USP40: variants seen among roughly 807,000 people sequenced by gnomAD.
USP40 encodes ubiquitin carboxyl-terminal hydrolase 40.
In USP40, 143 loss-of-function variants were observed where a neutral mutation model predicts 166.2. The observed-to-expected ratio is 0.86, with a 90% CI of 0.75 to 0.99. The LOEUF is 0.99. Ranked by LOEUF, USP40 falls within the 50% of genes least tolerant of loss-of-function variation. The pLI, the probability that USP40 is intolerant of heterozygous loss-of-function variation, is 0.00. For missense variants in USP40, 1,444 were observed against 1,479.7 expected (o/e 0.98, Z 0.40); for synonymous variants, 498 against 524.0 (o/e 0.95, Z 0.68).
In USP40 at chr2:233,533,772, T is replaced by A. The variant is rs375877100; in HGVS notation, c.1178A>T (p.Gln393Leu). 10 of 1,584,158 alleles carry A rather than the reference T, an allele frequency of 6.3e-6. No individual in the cohort carries two copies. Among genetic ancestry groups the A allele is most frequent in the Non-Finnish European group, 7.7e-6 (9 of 1,167,016 alleles). ...GAGTAGAAATATCTGAGAATGGAGC[T>A]GTAAGAACTACACAGAAACAAAAAA... ...KQHGPLRKFL[Q>L]LHSQIFLLSS... Residue 393 changes from glutamine to leucine, a missense_variant, in exon 11 of 32, where the codon CAG becomes CTG. By Grantham distance (113) the Gln-to-Leu change is moderately radical. Transcript: ENST00000678225.
At chr2:233,563,585 A>G (rs979671802) in intron 2 of USP40, among the ~76,000 whole-genome samples, 11 of 152,174 alleles carry the variant, frequency 7.2e-5, no homozygotes, top group African/African-American at 2.7e-4. Context: ...GTTAAAGCAT[A>G]AAACCATACA....
chr2:233,551,134 G>T (rs563685502), intron 7 of USP40, among the ~76,000 whole-genome samples: 1 of 152,296 alleles, frequency 6.6e-6, no homozygotes, highest in South Asian at 2.1e-4. Flanking sequence ...GACAGTTTTG[G>T]TTGTCACAAC....
chr2:233,500,522 T>C (rs192217994), intron 21 of USP40, among the ~76,000 whole-genome samples: 175 of 152,232 alleles, frequency 1.1e-3, no homozygotes, highest in Admixed American at 2.2e-3. Flanking sequence ...AGCGAGCAAA[T>C]ACAATTTGAT....
chr2:233,509,393 T>C (rs1048373900), intron 21 of USP40, among the ~76,000 whole-genome samples: 1 of 152,146 alleles, frequency 6.6e-6, no homozygotes, highest in Non-Finnish European at 1.5e-5. Context: ...TGTATATAAA[T>C]ACTAGAAAAA....
At chr2:233,548,800 T>C (rs897096270) in intron 8 of USP40, among the ~76,000 whole-genome samples, 2 of 152,140 alleles carry the variant, frequency 1.3e-5, no homozygotes, top group African/African-American at 2.4e-5. Context: ...GCACTAATAA[T>C]GATAACGTTA....
chr2:233,565,570 T>C lies in USP40; in HGVS notation c.-16A>G, dbSNP rs2072071225. ...CCCCAAACATTGTGAAACTAAATAC[T>C]ACCCTTAAAAAAAGTGACATATAAA... On this transcript the variant is annotated 5_prime_UTR_variant, in exon 2 of 32. Coordinates refer to ENST00000678225, the MANE Select transcript of USP40 (RefSeq NM_001365479.2). 6.5e-7 allele frequency: 1 copy of C among 1,530,842 alleles called. No individual in the cohort carries two copies. Among genetic ancestry groups the C allele is most frequent in the Non-Finnish European group, 8.7e-7 (1 of 1,145,050 alleles). 94.8% of individuals were successfully genotyped at this position (1,530,842 alleles called of 1,614,324 possible). A position where few individuals can be genotyped will look rare whatever the true frequency, so the allele number is the denominator to read the frequency against.
In USP40 at chr2:233,510,392, C is replaced by CTTTTTTT. The variant is rs1158427662; in HGVS notation, c.2527-264_2527-258dup. ...CCACATACACTACTTCTTTTTCTTT[C>CTTTTTTT]TTTTTTTTTTTTTTTTTTTTTTTTT... On this transcript the variant is annotated intron_variant, in intron 20 of 31. Transcript: ENST00000678225. Among the ~76,000 whole-genome samples the CTTTTTTT allele has an allele frequency of 9.0e-3, 620 of 68,642 alleles. 21 individuals carry two copies. The highest frequency in any genetic ancestry group is 0.014 in the African/African-American group (208 of 14,692). The allele number at this position is 68,642 out of a possible 152,430, so 45.0% of individuals were successfully genotyped here. A position where few individuals can be genotyped will look rare whatever the true frequency, so the allele number is the denominator to read the frequency against.
intron 17 of USP40, 75 bp from the exon 18 acceptor site, chr2:233,519,746 G>T: frequency 1.3e-6 from 1 of 792,978 alleles, no homozygotes; most frequent in Non-Finnish European, 1.9e-6. Context: ...GTCACTGTGT[G>T]CATAAACAAA....
intron 10 of USP40, among the ~76,000 whole-genome samples, chr2:233,534,405 C>T (rs968521916): frequency 1.3e-5 from 2 of 152,188 alleles, no homozygotes; most frequent in Non-Finnish European, 2.9e-5. Context: ...CCCCTATCCT[C>T]TCACTCTTTA....
At chr2:233,549,318 T>C in intron 7 of USP40, 89 bp from the exon 8 acceptor site, 1 of 840,038 alleles carries the variant, frequency 1.2e-6, no homozygotes, top group Non-Finnish European at 1.7e-6. Context: ...CTACTGAAAT[T>C]AATAAGAAAC....
intron 12 of USP40, 80 bp downstream of exon 12, chr2:233,529,351 C>A: frequency 1.7e-6 from 2 of 1,193,292 alleles, no homozygotes; most frequent in Non-Finnish European, 2.3e-6. Flanking sequence ...TTTTAATTTT[C>A]ATTACTGAAT....
intron 10 of USP40, among the ~76,000 whole-genome samples, chr2:233,539,947 G>A (rs2069245850): frequency 6.6e-6 from 1 of 151,840 alleles, no homozygotes; most frequent in Admixed American, 6.6e-5. Context: ...CAGCCTGGGT[G>A]ACATGGCAAA....
chr2:233,518,205 A>G (rs2067374387), intron 18 of USP40, among the ~76,000 whole-genome samples: 2 of 142,428 alleles, frequency 1.4e-5, no homozygotes, highest in South Asian at 4.4e-4. Flanking sequence ...TGTGCTCAAA[A>G]TATGTTTTTT....
At chr2:233,515,426 C>G (rs558921862) in intron 18 of USP40, among the ~76,000 whole-genome samples, 2 of 152,146 alleles carry the variant, frequency 1.3e-5, no homozygotes, top group African/African-American at 2.4e-5. Context: ...ACTGGGTGCA[C>G]AGTAGGGTGT....
intron 26 of USP40, among the ~76,000 whole-genome samples, chr2:233,490,160 CTTTT>C (rs545796570): frequency 2.3e-5 from 3 of 131,660 alleles, no homozygotes; most frequent in Non-Finnish European, 3.2e-5. Flanking sequence ...TTCTTTTCTC[CTTTT>C]TTTTTTTTTT....
In USP40 at chr2:233,523,205, G is replaced by A. The variant is rs2067779378; in HGVS notation, c.2166C>T (p.Ser722=). The A allele has an allele frequency of 6.2e-7, 1 of 1,612,162 alleles. No individual in the cohort carries two copies. The highest frequency in any genetic ancestry group is 8.5e-7 in the Non-Finnish European group (1 of 1,178,682). The change falls in exon 16 of 32, where the codon AGC becomes AGT. Residue 722 remains serine (S), a synonymous_variant. Coordinates refer to ENST00000678225, the MANE Select transcript of USP40 (RefSeq NM_001365479.2). Reference sequence around the variant, plus strand: ...CATGAGAATCCTGAATTAAAATTGAGCTTCCATTTCTGAGCCCTTGCTCCC... The same window carrying A: ...CATGAGAATCCTGAATTAAAATTGAACTTCCATTTCTGAGCCCTTGCTCCC... ...TFREQGLRNG[S]SILIQDSHDD...
chr2:233,515,237 T>C (rs1035392090), intron 18 of USP40, among the ~76,000 whole-genome samples: 1 of 152,230 alleles, frequency 6.6e-6, no homozygotes, highest in Non-Finnish European at 1.5e-5. Flanking sequence ...TTAACTCTTA[T>C]TCAGTAAATA....
chr2:233,487,597 T>C (rs2065022730), intron 28 of USP40: 1 of 173,242 alleles, frequency 5.8e-6, no homozygotes, highest in Non-Finnish European at 1.2e-5. Flanking sequence ...CATATCATAA[T>C]AGGTAGAGCA....
At chr2:233,499,981 C>G in intron 21 of USP40, 66 bp from the exon 22 acceptor site, 1 of 1,383,996 alleles carries the variant, frequency 7.2e-7, no homozygotes, top group Non-Finnish European at 1.0e-6. Flanking sequence ...GGACAAACAC[C>G]CTTTTTGGAC....
Sources: allele counts gnomAD v4.1 joint callset (sites outside exome capture counted in the v4.1 genomes callset), GRCh38; gene constraint gnomAD v4.1.1; transcripts MANE v1.5; gene names NCBI Gene and HGNC (gene_info 2026-07-23, HGNC 2026-07-21).